Variants in PIAS1 observed in about 807,000 individuals in gnomAD.
PIAS1 encodes protein inhibitor of activated STAT 1.
In PIAS1, 6 loss-of-function variants were observed where a neutral mutation model predicts 71.3. The ratio of observed to expected loss-of-function variants is 0.08; its 90% CI spans 0.05 to 0.17. PIAS1 has a LOEUF of 0.17. Ranked by LOEUF, PIAS1 falls within the 10% of genes least tolerant of loss-of-function variation. The pLI, the probability that PIAS1 is intolerant of heterozygous loss-of-function variation, is 1.00. For missense variants in PIAS1, 555 were observed against 793.6 expected (o/e 0.70, Z 3.61); for synonymous variants, 303 against 292.9 (o/e 1.03, Z -0.35).
At chr15:68,141,895 T>G in intron 2 of PIAS1, 51 bp from the exon 3 acceptor site, 2 of 1,191,728 alleles carry the variant, frequency 1.7e-6, no homozygotes, top group Non-Finnish European at 2.4e-6. Flanking sequence ...TGCTTTTGTC[T>G]TTACTGGCGA....
intron 2 of PIAS1, among the ~76,000 whole-genome samples, chr15:68,124,399 G>A (rs960031850): frequency 9.9e-5 from 11 of 111,234 alleles, no homozygotes; most frequent in African/African-American, 3.3e-4. Flanking sequence ...TTTTGTTGTT[G>A]TTTTTTGTTT....
intron 1 of PIAS1, among the ~76,000 whole-genome samples, chr15:68,066,522 A>G (rs2092029112): frequency 6.6e-6 from 1 of 152,176 alleles, no homozygotes; most frequent in African/African-American, 2.4e-5. Flanking sequence ...TACCAAATAT[A>G]TATGATTGAT....
Position 68,054,504 on chromosome 15 carries a change from G to A in PIAS1, c.24+154G>A. On this transcript the variant is annotated intron_variant, in intron 1 of 13. Coordinates refer to ENST00000249636, the MANE Select transcript of PIAS1 (RefSeq NM_016166.3). The surrounding 1 kb of genome is among the most constrained non-coding windows in gnomAD (Gnocchi z 4.6). The stretch of plus-strand genomic sequence containing the variant: ...GAGAGGCGCGCCCGGTCTCAGCAGA[G>A]GGGGCCCGCCTGCGGCGGGCCGCGG... 1.4e-6 allele frequency: 1 copy of A among 702,742 alleles called. No individual in the cohort carries two copies. Among genetic ancestry groups the A allele is most frequent in the Non-Finnish European group, 2.2e-6 (1 of 450,412 alleles). The allele number at this position is 702,742 out of a possible 1,614,324, so 43.5% of individuals were successfully genotyped here.
At position 68,189,606 on chromosome 15, in the gene PIAS1, TG is replaced by T. The variant is rs951917412; in HGVS notation, c.*1774del. 3 of 151,872 alleles carry T rather than the reference TG, an allele frequency of 2.0e-5. No individual in the cohort carries two copies. The highest frequency in any genetic ancestry group is 7.3e-5 in the African/African-American group (3 of 41,244). The allele number at this position is 151,872 out of a possible 1,614,324, so 9.4% of individuals were successfully genotyped here. A position where few individuals can be genotyped will look rare whatever the true frequency, so the allele number is the denominator to read the frequency against. On this transcript the variant is annotated 3_prime_UTR_variant, in exon 14 of 14. Transcript: ENST00000249636. ...GCCACTAAATTGTTGACTTGAATTTTGGGAAAAAAAAAAGTTGGTGTTGATA... is the reference window on the plus strand; with the variant it reads ...GCCACTAAATTGTTGACTTGAATTTTGGAAAAAAAAAAGTTGGTGTTGATA...
At chr15:68,071,821 A>G (rs893780666) in intron 1 of PIAS1, among the ~76,000 whole-genome samples, 11 of 151,754 alleles carry the variant, frequency 7.2e-5, no homozygotes, top group Non-Finnish European at 1.5e-5. Context: ...AGTGACGTCA[A>G]TCTGTAGTCC....
At chr15:68,076,335 G>A (rs551343801) in intron 1 of PIAS1, among the ~76,000 whole-genome samples, 7 of 152,020 alleles carry the variant, frequency 4.6e-5, no homozygotes, top group South Asian at 4.2e-4. Context: ...GTGAAAGCGC[G>A]TCTTTACTAA....
chr15:68,182,707 A>T (rs2093062797), intron 12 of PIAS1, among the ~76,000 whole-genome samples: 1 of 152,232 alleles, frequency 6.6e-6, no homozygotes, highest in African/African-American at 2.4e-5. Flanking sequence ...GGCGTGAGCC[A>T]CTACGGCCAG....
At position 68,118,657 on chromosome 15, in the gene PIAS1, C is replaced by G. The variant is rs187747965; in HGVS notation, c.470-23289C>G. Among the ~76,000 whole-genome samples, 45 of 152,296 alleles carry G rather than the reference C, an allele frequency of 3.0e-4. 2 individuals carry two copies. In the East Asian group the frequency reaches 3.3e-3, roughly 11 times the overall value. On this transcript the variant is annotated intron_variant, in intron 2 of 13. Coordinates refer to ENST00000249636, the MANE Select transcript of PIAS1 (RefSeq NM_016166.3). Reference sequence around the variant, plus strand: ...GTGCCCAGCTGTCTTGATTTTTTGACAGTAGCCATTCTAACTGGAGTGAGG... The same window carrying G: ...GTGCCCAGCTGTCTTGATTTTTTGAGAGTAGCCATTCTAACTGGAGTGAGG...
intron 8 of PIAS1, among the ~76,000 whole-genome samples, chr15:68,169,172 G>C (rs976683524): frequency 6.6e-6 from 1 of 152,122 alleles, no homozygotes; most frequent in African/African-American, 2.4e-5. Flanking sequence ...AATAGCAAAA[G>C]TACCTTATAA....
chr15:68,133,504 G>C (rs2092700511), intron 2 of PIAS1, among the ~76,000 whole-genome samples: 1 of 151,946 alleles, frequency 6.6e-6, no homozygotes, highest in South Asian at 2.1e-4. Flanking sequence ...AAAAAATAGA[G>C]TACCAGCACC....
Position 68,183,687 on chromosome 15 carries a change from CTAT to C in PIAS1, c.1662+25_1662+27del. ...AATCAGGTATGTTATGAAAAATTTACTATTATTTTAATTGTACATTAAAAATAC... is the reference window on the plus strand; with the variant it reads ...AATCAGGTATGTTATGAAAAATTTACTATTTTAATTGTACATTAAAAATAC... On this transcript the variant is annotated intron_variant, in intron 13 of 13. Coordinates refer to ENST00000249636, the MANE Select transcript of PIAS1 (RefSeq NM_016166.3). 1 of 941,798 alleles carries C rather than the reference CTAT, an allele frequency of 1.1e-6. No individual in the cohort carries two copies. Among genetic ancestry groups the C allele is most frequent in the African/African-American group, 1.6e-5 (1 of 60,726 alleles). 58.3% of individuals were successfully genotyped at this position (941,798 alleles called of 1,614,324 possible). A position where few individuals can be genotyped will look rare whatever the true frequency, so the allele number is the denominator to read the frequency against.
In PIAS1 at chr15:68,175,700, C is replaced by T. The variant is rs977297229; in HGVS notation, c.1233C>T (p.Gly411=). The T allele has an allele frequency of 1.9e-6, 3 of 1,602,910 alleles. No homozygotes were observed. Among genetic ancestry groups the T allele is most frequent in the Non-Finnish European group, 2.6e-6 (3 of 1,172,806 alleles). ...DCDEIQFKED[G]TWAPMRSKKE... ...ATGAAATACAATTTAAGGAGGATGGCACTTGGGCACCGATGAGATCAAAAA... is the reference window on the plus strand; with the variant it reads ...ATGAAATACAATTTAAGGAGGATGGTACTTGGGCACCGATGAGATCAAAAA... The change falls in exon 10 of 14, where the codon GGC becomes GGT. Residue 411 remains glycine (G), a synonymous_variant. Transcript: ENST00000249636.
At chr15:68,181,834 C>T (rs2093054986) in intron 12 of PIAS1, 1 of 156,988 alleles carries the variant, frequency 6.4e-6, no homozygotes, top group South Asian at 1.9e-4. Flanking sequence ...CGCCCACTAC[C>T]ACACCAGGCT....
At chr15:68,094,386 A>G (rs963459662) in intron 2 of PIAS1, among the ~76,000 whole-genome samples, 2 of 151,768 alleles carry the variant, frequency 1.3e-5, no homozygotes, top group African/African-American at 4.8e-5. Flanking sequence ...ATATATATAT[A>G]TTTATATAAA....
At chr15:68,134,900 A>C (rs113685259) in intron 2 of PIAS1, among the ~76,000 whole-genome samples, 2 of 35,992 alleles carry the variant, frequency 5.6e-5, no homozygotes, top group Admixed American at 2.6e-4. Context: ...GGGGCTCCCC[A>C]CCTCCCAGCA....
chr15:68,118,103 G>T (rs1383119402), intron 2 of PIAS1, among the ~76,000 whole-genome samples: 1 of 152,094 alleles, frequency 6.6e-6, no homozygotes, highest in South Asian at 2.1e-4. Context: ...GAGGAGCGGG[G>T]CAGATCACCT....
At chr15:68,150,027 TG>T (rs1196527499) in intron 6 of PIAS1, among the ~76,000 whole-genome samples, 23 of 152,178 alleles carry the variant, frequency 1.5e-4, no homozygotes, top group Non-Finnish European at 2.9e-5. Flanking sequence ...TTTTTAGAAA[TG>T]GATTTTGAAT....
intron 2 of PIAS1, among the ~76,000 whole-genome samples, chr15:68,098,861 C>T (rs1292997790): frequency 6.6e-6 from 1 of 152,124 alleles, no homozygotes; most frequent in Non-Finnish European, 1.5e-5. Context: ...TATCACTATG[C>T]ACTTGTCTAA....
chr15:68,085,942 C>T (rs538868008), intron 1 of PIAS1, among the ~76,000 whole-genome samples: 1 of 152,244 alleles, frequency 6.6e-6, no homozygotes, highest in East Asian at 1.9e-4. Flanking sequence ...CACATCATTA[C>T]GTTTTGCCAT....
Sources: allele counts gnomAD v4.1 joint callset (sites outside exome capture counted in the v4.1 genomes callset), GRCh38; gene constraint gnomAD v4.1.1; non-coding constraint Gnocchi (gnomAD v3.1); transcripts MANE v1.5; gene names NCBI Gene and HGNC (gene_info 2026-07-23, HGNC 2026-07-21).